The following SCN8A variants were observed in gnomAD, a reference collection of about 807,000 sequenced individuals.
SCN8A encodes sodium voltage-gated channel alpha subunit 8.
SCN8A carries 30 observed loss-of-function variants against 184.1 expected under a neutral mutation model. The observed-to-expected ratio is 0.16, with a 90% confidence interval of 0.12 to 0.22. SCN8A has a LOEUF of 0.22. SCN8A is among the 10% of genes least tolerant of loss of function. The pLI, the probability that SCN8A is intolerant of heterozygous loss-of-function variation, is 1.00. For missense variants in SCN8A, 1,057 were observed against 2,498.9 expected (o/e 0.42, Z 12.30); for synonymous variants, 852 against 907.0 (o/e 0.94, Z 1.09).
At chr12:51,738,804 C>CA (rs1198317999) in intron 12 of SCN8A, among the ~76,000 whole-genome samples, 2 of 152,192 alleles carry the variant, frequency 1.3e-5, no homozygotes, top group Non-Finnish European at 2.9e-5. Context: ...TCCCTGCTGG[C>CA]AAGGGTCCAC....
At chr12:51,646,902 GTAT>G (rs1940602566) in intron 1 of SCN8A, among the ~76,000 whole-genome samples, 1 of 152,216 alleles carries the variant, frequency 6.6e-6, no homozygotes, top group Non-Finnish European at 1.5e-5. Context: ...CTATATGGAT[GTAT>G]GTACAAGGTG....
chr12:51,799,884 A>AT (rs1938507624), intron 26 of SCN8A, among the ~76,000 whole-genome samples: 1 of 152,174 alleles, frequency 6.6e-6, no homozygotes, highest in Admixed American at 6.5e-5. Flanking sequence ...GCCCCTAGAA[A>AT]TTTCACTGAG....
At chr12:51,751,793 G>A (rs973630512) in intron 14 of SCN8A, among the ~76,000 whole-genome samples, 200 bp downstream of exon 14, 1 of 152,156 alleles carries the variant, frequency 6.6e-6, no homozygotes, top group Non-Finnish European at 1.5e-5. Flanking sequence ...GCAGAACTTT[G>A]AAGACGTCAT....
At chr12:51,612,337 A>T (rs1250427207) in intron 1 of SCN8A, among the ~76,000 whole-genome samples, 1 of 151,952 alleles carries the variant, frequency 6.6e-6, no homozygotes, top group Non-Finnish European at 1.5e-5. Flanking sequence ...AATTTTTAAA[A>T]TTTTTTTGTA....
At chr12:51,756,249 C>A (rs557733713) in intron 14 of SCN8A, among the ~76,000 whole-genome samples, 1 of 152,182 alleles carries the variant, frequency 6.6e-6, no homozygotes, top group Admixed American at 6.5e-5. Flanking sequence ...TCTCACCTGG[C>A]CCATTGACTT....
intron 1 of SCN8A, among the ~76,000 whole-genome samples, chr12:51,661,184 C>A (rs1940918342): frequency 6.6e-6 from 1 of 152,196 alleles, no homozygotes; most frequent in African/African-American, 2.4e-5. Context: ...TAGGACCCCA[C>A]CTTTCCTCAT....
At position 51,689,968 on chromosome 12, in the gene SCN8A, GA is replaced by G. The variant is rs1202459697; in HGVS notation, c.706+874del. The G allele has an allele frequency of 3.3e-5, 5 of 152,072 alleles. No individual in the cohort carries two copies. The East Asian group carries it at 9.6e-4, about 29-fold the overall frequency. 9.4% of individuals were successfully genotyped at this position (152,072 alleles called of 1,614,324 possible). On this transcript the variant is annotated intron_variant, in intron 6 of 26. Coordinates refer to ENST00000627620, the MANE Select transcript of SCN8A (RefSeq NM_001330260.2). ...TTTTGAAGGTTTTGGATCCCTTTGAGAATCAGATGAAAGTTCACAGACCCCC... is the reference window on the plus strand; with the variant it reads ...TTTTGAAGGTTTTGGATCCCTTTGAGATCAGATGAAAGTTCACAGACCCCC...
intron 3 of SCN8A, among the ~76,000 whole-genome samples, chr12:51,684,721 A>C (rs1941392216): frequency 6.6e-6 from 1 of 152,162 alleles, no homozygotes. Flanking sequence ...TTTTTAAAAA[A>C]TTTTTTGAGC....
At chr12:51,715,876 C>T (rs1259265190) in intron 11 of SCN8A, among the ~76,000 whole-genome samples, 1 of 152,078 alleles carries the variant, frequency 6.6e-6, no homozygotes, top group African/African-American at 2.4e-5. Context: ...GGTGGCTAAG[C>T]TGCAGTACCT....
chr12:51,694,231 C>A (rs1941558073), intron 6 of SCN8A, among the ~76,000 whole-genome samples: 1 of 152,176 alleles, frequency 6.6e-6, no homozygotes, highest in Non-Finnish European at 1.5e-5. Context: ...CCGTGCCTGG[C>A]AAATTAACTT....
chr12:51,621,595 A>G (rs1459360592), intron 1 of SCN8A, among the ~76,000 whole-genome samples: 1 of 152,244 alleles, frequency 6.6e-6, no homozygotes, highest in Non-Finnish European at 1.5e-5. Flanking sequence ...CATGTATATG[A>G]TGATGATTCT....
intron 8 of SCN8A, among the ~76,000 whole-genome samples, chr12:51,701,548 A>G (rs1399682377): frequency 6.6e-6 from 1 of 152,176 alleles, no homozygotes; most frequent in Admixed American, 6.5e-5. Flanking sequence ...TTATGGATCC[A>G]AGGATGACCC....
rs540645183 is a variant in SCN8A, at chr12:51,777,556, C to T, written c.3820-3093C>T. Among the ~76,000 whole-genome samples the T allele has an allele frequency of 3.3e-5, 5 of 152,290 alleles. No individual in the cohort carries two copies. In the South Asian group the frequency reaches 1.0e-3, roughly 32 times the overall value. ...ATCTCCAGGAGGGGCTTAACAGAGA[C>T]TCAGAGGATTATAAGAGAGCCCTCA... On this transcript the variant is annotated intron_variant, in intron 20 of 26. Coordinates refer to ENST00000627620, the MANE Select transcript of SCN8A (RefSeq NM_001330260.2).
At chr12:51,717,859 G>T (rs1305860407) in intron 11 of SCN8A, among the ~76,000 whole-genome samples, 2 of 152,142 alleles carry the variant, frequency 1.3e-5, no homozygotes, top group African/African-American at 4.8e-5. Context: ...ATCTAACAAT[G>T]ACATTTATAT....
At position 51,803,385 on chromosome 12, in the gene SCN8A, G is replaced by A. The variant is rs141601440; in HGVS notation, c.4796-2897G>A. Among the ~76,000 whole-genome samples, 341 of 151,966 alleles carry A rather than the reference G, an allele frequency of 2.2e-3. 3 individuals carry two copies. The highest frequency in any genetic ancestry group is 7.9e-3 in the African/African-American group (327 of 41,408). ...ATTAGATGGTGCCCACCCACATTGA[G>A]GATGGGTCTTCCTCTGCCAGTCCAC... On this transcript the variant is annotated intron_variant, in intron 26 of 26. Coordinates refer to ENST00000627620, the MANE Select transcript of SCN8A (RefSeq NM_001330260.2).
At chr12:51,778,935 G>A (rs1937799177) in intron 20 of SCN8A, among the ~76,000 whole-genome samples, 1 of 152,096 alleles carries the variant, frequency 6.6e-6, no homozygotes, top group African/African-American at 2.4e-5. Context: ...CCAGAACCCA[G>A]CCAGGCATGG....
intron 20 of SCN8A, among the ~76,000 whole-genome samples, chr12:51,777,360 A>G (rs977544377): frequency 1.3e-5 from 2 of 152,136 alleles, no homozygotes; most frequent in Admixed American, 6.5e-5. Context: ...CCTGGGCTCA[A>G]GCAGCCTTCT....
chr12:51,648,813 G>A (rs1191586040), intron 1 of SCN8A, among the ~76,000 whole-genome samples: 5 of 151,982 alleles, frequency 3.3e-5, no homozygotes, highest in African/African-American at 9.7e-5. Context: ...TCCACCCCTG[G>A]CCCCTCCAAA....
chr12:51,791,104 C>T (rs1013183399), intron 25 of SCN8A, among the ~76,000 whole-genome samples: 22 of 152,136 alleles, frequency 1.4e-4, no homozygotes, highest in African/African-American at 4.8e-4. Flanking sequence ...AGATACCCTG[C>T]TCCTGATTCC....
Sources: gnomAD v4.1 joint callset for allele counts (sites outside exome capture counted in the v4.1 genomes callset) on GRCh38, gnomAD v4.1.1 for gene constraint, MANE v1.5 for transcripts, NCBI Gene and HGNC (gene_info 2026-07-23, HGNC 2026-07-21) for gene names.